The following ANKRD35 variants were observed in gnomAD, a reference collection of about 807,000 sequenced individuals.
ANKRD35 encodes ankyrin repeat domain-containing protein 35.
A neutral mutation model predicts 109.9 loss-of-function variants in ANKRD35; 102 were observed. The observed-to-expected ratio is 0.93, with a 90% CI of 0.79 to 1.09. The LOEUF (loss-of-function observed/expected upper bound fraction) is 1.09. Among genes scored for constraint, ANKRD35 ranks in the 50% least tolerant of loss-of-function variants. The pLI, the probability that ANKRD35 is intolerant of heterozygous loss-of-function variation, is 0.00. For synonymous variants in ANKRD35, 515 were observed against 512.4 expected, an observed-to-expected ratio of 1.01 and a Z score of -0.07; for missense variants, 1,240 against 1,230.1, an observed-to-expected ratio of 1.01 and a Z score of -0.12.
In ANKRD35 at chr1:145,884,797, A is replaced by G. The variant is rs370524317; in HGVS notation, c.39+923T>C. 1.6e-4 allele frequency among the ~76,000 whole-genome samples: 24 copies of G among 152,268 alleles called. No homozygotes were observed. The South Asian group carries it at 4.8e-3, about 30-fold the overall frequency. ...CTGGGCAAGGGTTCAGGAAATGAAT[A>G]ATCTGGGGAAAAGCAGGCAGAAAGG... On this transcript the variant is annotated intron_variant, in intron 1 of 13. Transcript: ENST00000355594.
intron 1 of ANKRD35, among the ~76,000 whole-genome samples, chr1:145,880,430 A>C (rs1436116608): frequency 6.6e-6 from 1 of 152,198 alleles, no homozygotes; most frequent in East Asian, 1.9e-4. Context: ...TATGTGACCT[A>C]AAGTAAGCCA....
At chr1:145,866,874 G>A (rs958203436) in intron 13 of ANKRD35, 109 bp from the exon 14 acceptor site, 1 of 162,692 alleles carries the variant, frequency 6.1e-6, no homozygotes, top group African/African-American at 2.4e-5. Context: ...ACTGGAGAAG[G>A]GGACTATCTG....
chr1:145,869,055 T>C (rs965859555), intron 10 of ANKRD35, among the ~76,000 whole-genome samples: 7 of 152,006 alleles, frequency 4.6e-5, no homozygotes, highest in Non-Finnish European at 8.8e-5. Context: ...TTAGGTTTTG[T>C]AACCAATTAA....
Position 145,872,125 on chromosome 1 carries a change from C to G in ANKRD35, c.2644G>C (p.Gly882Arg). 2 of 1,610,828 alleles carry G rather than the reference C, an allele frequency of 1.2e-6. No individual in the cohort carries two copies. The highest frequency in any genetic ancestry group is 1.7e-6 in the Non-Finnish European group (2 of 1,178,716). Residue 882 changes from glycine to arginine, a missense_variant, in exon 10 of 14, where the codon GGG (glycine) becomes CGG (arginine). By Grantham distance (125) the Gly-to-Arg change is moderately radical (BLOSUM62 -2). Coordinates refer to ENST00000355594, the MANE Select transcript of ANKRD35 (RefSeq NM_144698.5). The stretch of plus-strand genomic sequence containing the variant: ...TCGGCTGCCTGAGCGGCCAGGTCCC[C>G]GCTCCGGCGGCGCTCCTCGGCCACC... ...EAVAEERRRS[G>R]DLAAQAAEQE...
chr1:145,868,467 A>G, intron 10 of ANKRD35, 67 bp from the exon 11 acceptor site: 1 of 1,425,558 alleles, frequency 7.0e-7, no homozygotes, highest in Non-Finnish European at 9.8e-7. Flanking sequence ...GGTCAAGGTC[A>G]GCTTCCTTTT....
rs149985268 is a variant in ANKRD35 at position 145,874,188 on chromosome 1, C to G, written c.750G>C (p.Gln250His). Reference protein sequence around the residue: ...QALSRRRRGGQRLVQHPDLAS... With the variant: ...QALSRRRRGGHRLVQHPDLAS... ...CGAGATCTGGGTGCTGGACTAGCCT[C>G]TGACCTATAAGAAAAGATATGAGGA... Residue 250 changes from glutamine to histidine, a missense_variant, in exon 9 of 14, where the codon CAG becomes CAC. Coordinates refer to ENST00000355594, the MANE Select transcript of ANKRD35 (RefSeq NM_144698.5). 2,417 of 1,614,018 alleles carry G rather than the reference C, an allele frequency of 1.5e-3. 4 individuals carry two copies. The highest frequency in any genetic ancestry group is 2.8e-3 in the Middle Eastern group (17 of 6,056).
chr1:145,869,150 A>C, intron 10 of ANKRD35, among the ~76,000 whole-genome samples: 1 of 151,018 alleles, frequency 6.6e-6, no homozygotes, highest in South Asian at 2.1e-4. Flanking sequence ...GGGAGGAACA[A>C]TACTTCTCTG....
chr1:145,878,527 G>A, intron 2 of ANKRD35, 48 bp from the exon 3 acceptor site: 1 of 1,501,450 alleles, frequency 6.7e-7, no homozygotes, highest in South Asian at 1.2e-5. Context: ...GACCAGGGAT[G>A]AGGAATGGGA....
rs587631459 is a variant in ANKRD35 at position 145,885,635 on chromosome 1, A to G, written c.39+85T>C. 7 of 1,438,388 alleles carry G rather than the reference A, an allele frequency of 4.9e-6. No homozygotes were observed. In the Admixed American group the frequency reaches 5.3e-5, roughly 11 times the overall value. The allele number at this position is 1,438,388 out of a possible 1,614,324, so 89.1% of individuals were successfully genotyped here. On this transcript the variant is annotated intron_variant, in intron 1 of 13. Transcript: ENST00000355594. Reference sequence around the variant, plus strand: ...GAAAGACTGATAAAAAGAAAAGGCGATGATGCATTGAGACGGGACTAAAGA... The same window carrying G: ...GAAAGACTGATAAAAAGAAAAGGCGGTGATGCATTGAGACGGGACTAAAGA...
chr1:145,885,027 C>G (rs1485703037), intron 1 of ANKRD35, among the ~76,000 whole-genome samples: 2 of 152,158 alleles, frequency 1.3e-5, no homozygotes, highest in Non-Finnish European at 2.9e-5. Flanking sequence ...CTGGCGACCA[C>G]TGGGCAGAGT....
intron 7 of ANKRD35, among the ~76,000 whole-genome samples, chr1:145,875,721 T>C (rs1340046920): frequency 6.6e-6 from 1 of 152,122 alleles, no homozygotes; most frequent in Non-Finnish European, 1.5e-5. Context: ...ACCAATTTTT[T>C]GTATTTTTAG....
In ANKRD35 at chr1:145,874,175, G is replaced by A. The variant is rs1553739629; in HGVS notation, c.763C>T (p.His255Tyr). The stretch of plus-strand genomic sequence containing the variant: ...CTTACCTGGGATGCGAGATCTGGGT[G>A]CTGGACTAGCCTCTGACCTATAAGA... ...RRRGGQRLVQ[H>Y]PDLASQASPS... Residue 255 changes from histidine to tyrosine, a missense_variant, in exon 9 of 14, where the codon CAC becomes TAC. Physicochemically the swap from His to Tyr is moderately conservative, Grantham distance 83. Transcript: ENST00000355594. The A allele has an allele frequency of 2.5e-6, 4 of 1,613,984 alleles. No individual in the cohort carries two copies. The African/African-American group carries it at 4.0e-5, about 16-fold the overall frequency.
Position 145,873,316 on chromosome 1 carries a change from G to A in ANKRD35, c.1453C>T (p.Pro485Ser), listed in dbSNP as rs200067463. 2.5e-6 allele frequency: 4 copies of A among 1,614,022 alleles called. No individual in the cohort carries two copies. The highest frequency in any genetic ancestry group is 3.4e-6 in the Non-Finnish European group (4 of 1,180,026). ...PGGTVAEPVGPAAMNQLLLQL... is the reference protein window; with the variant it reads ...PGGTVAEPVGSAAMNQLLLQL... ...AGCAGAAGCTGGTTCATGGCTGCTG[G>A]GCCCACTGGTTCAGCCACTGTGCCT... Residue 485 changes from proline (P) to serine (S), a missense_variant, in exon 10 of 14, where the codon CCA becomes TCA. Coordinates refer to ENST00000355594, the MANE Select transcript of ANKRD35 (RefSeq NM_144698.5).
Position 145,872,809 on chromosome 1 carries a change from G to A in ANKRD35, c.1960C>T (p.Arg654Trp). The change falls in exon 10 of 14, where the codon CGG becomes TGG. Residue 654 changes from arginine (R) to tryptophan (W), a missense_variant. By Grantham distance (101) the Arg-to-Trp change is moderately radical. Transcript: ENST00000355594. ...ELQSLSQRLQ[R>W]EFVPKPQAQV... is the part of the protein sequence containing the mutation. ...GCCTGTGGCTTGGGCACAAACTCCC[G>A]CTGCAGCCGCTGGCTCAGGGACTGT... 1 of 1,613,888 alleles carries A rather than the reference G, an allele frequency of 6.2e-7. No individual in the cohort carries two copies. The highest frequency in any genetic ancestry group is 8.5e-7 in the Non-Finnish European group (1 of 1,179,924).
At chr1:145,876,444 G>A in intron 6 of ANKRD35, 125 bp downstream of exon 6, 1 of 1,218,668 alleles carries the variant, frequency 8.2e-7, no homozygotes, top group Non-Finnish European at 1.2e-6. Context: ...AGGAGAAGCA[G>A]GAGGAGAAGG....
chr1:145,873,824 C>T lies in ANKRD35; in HGVS notation c.945G>A (p.Glu315=). The T allele has an allele frequency of 6.2e-7, 1 of 1,610,440 alleles. No homozygotes were observed. The highest frequency in any genetic ancestry group is 8.5e-7 in the Non-Finnish European group (1 of 1,178,144). ...ERRKVVRLEQ[E]LVQKTEECKT... ...TACACTCTTCTGTCTTTTGCACCAG[C>T]TCCTGCTCCAGCCGAACAACTTTCC... Residue 315 remains glutamate, a synonymous_variant, in exon 10 of 14, where the codon GAG becomes GAA. Coordinates refer to ENST00000355594, the MANE Select transcript of ANKRD35 (RefSeq NM_144698.5).
intron 1 of ANKRD35, 72 bp downstream of exon 1, chr1:145,885,648 A>C: frequency 6.6e-7 from 1 of 1,518,482 alleles, no homozygotes; most frequent in Non-Finnish European, 9.1e-7. Flanking sequence ...ATGCATTGAG[A>C]CGGGACTAAA....
At position 145,878,052 on chromosome 1, in the gene ANKRD35, A is replaced by C. The variant is rs1196499047; in HGVS notation, c.260-20T>G. ...TGCTTCCTGGAACAGAAAGAAGGGGAGAAGGAGGGTAGGTGGCCCCATGCA... is the reference window on the plus strand; with the variant it reads ...TGCTTCCTGGAACAGAAAGAAGGGGCGAAGGAGGGTAGGTGGCCCCATGCA... On this transcript the variant is annotated intron_variant, in intron 3 of 13. Transcript: ENST00000355594. 1.2e-6 allele frequency: 2 copies of C among 1,611,598 alleles called. No individual in the cohort carries two copies. The highest frequency in any genetic ancestry group is 1.7e-6 in the Non-Finnish European group (2 of 1,178,034).
In ANKRD35 at chr1:145,868,272, CCTT is replaced by C. The variant is rs1653678130; in HGVS notation, c.2877+36_2877+38del. On this transcript the variant is annotated intron_variant, in intron 11 of 13. Transcript: ENST00000355594. Reference sequence around the variant, plus strand: ...ACATATACATCACTTCCACTGCTGACCTTCTTCTCCAGCACCATCCCTGACAGC... The same window carrying C: ...ACATATACATCACTTCCACTGCTGACCTTCTCCAGCACCATCCCTGACAGC... 7 of 1,597,834 alleles carry C rather than the reference CCTT, an allele frequency of 4.4e-6. 1 individual carries two copies. Among genetic ancestry groups the C allele is most frequent in the South Asian group, 1.1e-5 (1 of 90,728 alleles).
Sources: gnomAD v4.1 joint callset for allele counts (sites outside exome capture counted in the v4.1 genomes callset) on GRCh38, gnomAD v4.1.1 for gene constraint, MANE v1.5 for transcripts, NCBI Gene and HGNC (gene_info 2026-07-23, HGNC 2026-07-21) for gene names.